PCNX3: variants seen among roughly 807,000 people sequenced by gnomAD.
PCNX3 encodes pecanex 3.
In PCNX3, 58 loss-of-function variants were observed where a neutral mutation model predicts 207.2. The observed-to-expected ratio is 0.28, with a 90% CI of 0.23 to 0.35. PCNX3 has a LOEUF of 0.35. Among genes scored for constraint, PCNX3 ranks in the 10% least tolerant of loss-of-function variants. The pLI is 1.00. For missense variants in PCNX3, 2,410 were observed against 2,774.4 expected, an observed-to-expected ratio of 0.87 and a Z score of 2.95; for synonymous variants, 1,337 against 1,183.5, an observed-to-expected ratio of 1.13 and a Z score of -2.66.
Position 65,625,369 on chromosome 11 carries a change from A to T in PCNX3, c.3030-36A>T. On this transcript the variant is annotated intron_variant, in intron 17 of 34. Coordinates refer to ENST00000355703, the MANE Select transcript of PCNX3 (RefSeq NM_032223.4). This position sits in a 1 kb window ranked among gnomAD's most constrained non-coding sequence, Gnocchi z 5.6. Reference sequence around the variant, plus strand: ...CCCGTGACTGGGGCCGGGGGGAAGGAGGGGCGGCCTCCTCCTGACTCTTCC... The same window carrying T: ...CCCGTGACTGGGGCCGGGGGGAAGGTGGGGCGGCCTCCTCCTGACTCTTCC... The T allele has an allele frequency of 6.3e-7, 1 of 1,595,168 alleles. No individual in the cohort carries two copies. The highest frequency in any genetic ancestry group is 8.5e-7 in the Non-Finnish European group (1 of 1,173,394).
In PCNX3 at chr11:65,620,845, A is replaced by G. The variant is rs1419166656; in HGVS notation, c.2114A>G (p.His705Arg). 4.4e-6 allele frequency: 7 copies of G among 1,594,906 alleles called. No homozygotes were observed. The highest frequency in any genetic ancestry group is 2.3e-5 in the East Asian group (1 of 43,598). Residue 705 changes from histidine (H) to arginine (R), a missense_variant, in exon 10 of 35, where the codon CAT (histidine) becomes CGT (arginine). His to Arg is a conservative substitution (Grantham distance 29). Coordinates refer to ENST00000355703, the MANE Select transcript of PCNX3 (RefSeq NM_032223.4). ...TGTTCTCACAGGGACCGACACTCGCATTCCTCCAGCTTCCACTCGGCTGAT... is the reference window on the plus strand; with the variant it reads ...TGTTCTCACAGGGACCGACACTCGCGTTCCTCCAGCTTCCACTCGGCTGAT... The part of the protein sequence containing the change: ...TANGAWDRHS[H>R]SSSFHSADVP...
At chr11:65,623,796 T>C in intron 12 of PCNX3, 133 bp from the exon 13 acceptor site, 2 of 1,521,044 alleles carry the variant, frequency 1.3e-6, no homozygotes, top group Non-Finnish European at 1.8e-6. Flanking sequence ...GCAAGAAAAC[T>C]GAGGCTCAGG....
intron 24 of PCNX3, 142 bp downstream of exon 24, chr11:65,629,090 C>T: frequency 3.9e-6 from 5 of 1,289,276 alleles, no homozygotes; most frequent in Non-Finnish European, 5.3e-6. Flanking sequence ...GGCGGCAGAT[C>T]CAATGCAGGG....
chr11:65,620,816 C>T lies in PCNX3; in HGVS notation c.2100-15C>T. ...CTCGCCCGTGGGGGGATCCTGATGGCTGCTGTTCTCACAGGGACCGACACT... is the reference window on the plus strand; with the variant it reads ...CTCGCCCGTGGGGGGATCCTGATGGTTGCTGTTCTCACAGGGACCGACACT... On this transcript the variant is annotated splice_polypyrimidine_tract_variant and intron_variant, in intron 9 of 34. Transcript: ENST00000355703. 1 of 1,593,468 alleles carries T rather than the reference C, an allele frequency of 6.3e-7. No homozygotes were observed. The highest frequency in any genetic ancestry group is 1.1e-5 in the South Asian group (1 of 87,518).
intron 15 of PCNX3, 33 bp from the exon 16 acceptor site, chr11:65,624,892 G>A (rs780748062): frequency 1.5e-5 from 23 of 1,582,080 alleles, no homozygotes; most frequent in Admixed American, 1.7e-5. Flanking sequence ...ACCTGCAAGT[G>A]AGAGCTGGGC....
At position 65,636,505 on chromosome 11, in the gene PCNX3, C is replaced by T; in HGVS notation, c.5708C>T (p.Pro1903Leu). ...CTGCAGTGGCCTCCCCCTCGGCTCC[C>T]TGGACCACCCCCTGCATCGCCTATC... is the stretch of plus-strand genomic sequence containing the variant. ...PLLQWPPPRL[P>L]GPPPASPIPT... The change falls in exon 34 of 35, where the codon CCT (proline) becomes CTT (leucine). Residue 1903 changes from proline to leucine, a missense_variant. Pro to Leu is a moderately conservative substitution (Grantham distance 98). Transcript: ENST00000355703. 6.3e-7 allele frequency: 1 copy of T among 1,581,562 alleles called. No individual in the cohort carries two copies. Among genetic ancestry groups the T allele is most frequent in the Non-Finnish European group, 8.6e-7 (1 of 1,165,638 alleles).
intron 20 of PCNX3, 130 bp downstream of exon 20, chr11:65,626,184 TCCCTCCCTG>T: frequency 7.9e-7 from 1 of 1,265,108 alleles, no homozygotes. Context: ...CCCTTTCTGC[TCCCTCCCTG>T]CCCTCTGTGT....
rs1319020552 is a variant in PCNX3, at chr11:65,636,882, G to A, written c.6009G>A (p.Glu2003=). 2 of 1,553,116 alleles carry A rather than the reference G, an allele frequency of 1.3e-6. No individual in the cohort carries two copies. The change falls in exon 35 of 35, where the codon GAG becomes GAA. Residue 2003 remains glutamate, a synonymous_variant. Coordinates refer to ENST00000355703, the MANE Select transcript of PCNX3 (RefSeq NM_032223.4). ...CTTGCTTGGACAGCAGTGCCCCTGAGAGTGGCACACCTATGGGTGCCCTGG... is the reference window on the plus strand; with the variant it reads ...CTTGCTTGGACAGCAGTGCCCCTGAAAGTGGCACACCTATGGGTGCCCTGG... The part of the protein sequence containing the change: ...DIPCLDSSAP[E]SGTPMGALGD...
chr11:65,621,890 G>A (rs777131567), intron 10 of PCNX3, among the ~76,000 whole-genome samples: 1 of 152,198 alleles, frequency 6.6e-6, no homozygotes, highest in Non-Finnish European at 1.5e-5. Flanking sequence ...GAGGAGGGTA[G>A]CATTTGTGCC....
Position 65,635,003 on chromosome 11 carries a change from C to T in PCNX3, c.4836C>T (p.Ala1612=). ...SLEPFLYGLH[A]LFKGDFRITS... ...AGCCCTTCCTCTACGGCCTGCACGC[C>T]CTGTTCAAGGGGGATTTTCGCATCA... Residue 1612 remains alanine (A), a synonymous_variant, in exon 30 of 35, where the codon GCC becomes GCT. Coordinates refer to ENST00000355703, the MANE Select transcript of PCNX3 (RefSeq NM_032223.4). This position sits in a 1 kb window ranked among gnomAD's most constrained non-coding sequence, Gnocchi z 9.9. 6.2e-7 allele frequency: 1 copy of T among 1,613,884 alleles called. No homozygotes were observed. Among genetic ancestry groups the T allele is most frequent in the Non-Finnish European group, 8.5e-7 (1 of 1,179,854 alleles).
chr11:65,630,289 C>T (rs1272074082), intron 26 of PCNX3, 62 bp from the exon 27 acceptor site: 20 of 1,561,378 alleles, frequency 1.3e-5, no homozygotes, highest in Non-Finnish European at 1.7e-5. Context: ...TGGTCACTCT[C>T]CCAGGACAGG....
intron 34 of PCNX3, 28 bp downstream of exon 34, chr11:65,636,717 C>T (rs1425737922): frequency 3.9e-6 from 6 of 1,557,634 alleles, no homozygotes. Context: ...GGGTTGGGTC[C>T]CAGAAGGCTA....
intron 27 of PCNX3, among the ~76,000 whole-genome samples, chr11:65,632,846 G>C (rs1487504065): frequency 6.6e-6 from 1 of 151,554 alleles, no homozygotes; most frequent in Non-Finnish European, 1.5e-5. Flanking sequence ...CCAGGTTCAA[G>C]TAATCCTCCT....
At position 65,616,228 on chromosome 11, in the gene PCNX3, C is replaced by G. The variant is rs1338298462; in HGVS notation, c.-84C>G. ...TGAGCGTGAGGCCGGGCCCCGGGGCCCTCAGGCGCCAGACGGGGCATGGGC... is the reference window on the plus strand; with the variant it reads ...TGAGCGTGAGGCCGGGCCCCGGGGCGCTCAGGCGCCAGACGGGGCATGGGC... On this transcript the variant is annotated 5_prime_UTR_variant, in exon 1 of 35. Coordinates refer to ENST00000355703, the MANE Select transcript of PCNX3 (RefSeq NM_032223.4). 1.7e-6 allele frequency: 2 copies of G among 1,176,262 alleles called. No homozygotes were observed. Among genetic ancestry groups the G allele is most frequent in the African/African-American group, 3.3e-5 (2 of 61,258 alleles). 72.9% of individuals were successfully genotyped at this position (1,176,262 alleles called of 1,614,324 possible). A position where few individuals can be genotyped will look rare whatever the true frequency, so the allele number is the denominator to read the frequency against.
chr11:65,617,782 C>T (rs184126931), intron 5 of PCNX3, 76 bp downstream of exon 5: 280 of 1,515,040 alleles, frequency 1.8e-4, no homozygotes, highest in Non-Finnish European at 2.4e-4. Flanking sequence ...AACTTTGGCT[C>T]CATCCTGGGT....
intron 6 of PCNX3, 48 bp downstream of exon 6, chr11:65,619,115 C>A: frequency 6.8e-7 from 1 of 1,475,124 alleles, no homozygotes; most frequent in Non-Finnish European, 9.2e-7. Context: ...GAGCTACGGG[C>A]TTGGGGTTGG....
chr11:65,634,825 G>T, intron 29 of PCNX3, 148 bp from the exon 30 acceptor site: 1 of 1,277,462 alleles, frequency 7.8e-7, no homozygotes. Flanking sequence ...AGTGCTCTGT[G>T]AGAGACATGG....
At chr11:65,624,605 G>T (rs560771395) in intron 15 of PCNX3, 24 bp downstream of exon 15, 1 of 1,558,096 alleles carries the variant, frequency 6.4e-7, no homozygotes, top group African/African-American at 1.4e-5. Context: ...AGGTGGCTCA[G>T]GGATGGGGCC....
In PCNX3 at chr11:65,617,626, T is replaced by C. The variant is rs1160005350; in HGVS notation, c.497T>C (p.Val166Ala). 1.4e-5 allele frequency: 22 copies of C among 1,609,396 alleles called. No individual in the cohort carries two copies. Among genetic ancestry groups the C allele is most frequent in the Non-Finnish European group, 1.6e-5 (19 of 1,177,894 alleles). ...ATGGTTGCAGACATCAAGGAGCTGG[T>C]GCGGGAGCAGGGCAGCAACAATGTG... is the stretch of plus-strand genomic sequence containing the variant. The part of the protein sequence containing the change: ...SGPLRDIKEL[V>A]REQGSNNVIV... The change falls in exon 5 of 35, where the codon GTG becomes GCG. Residue 166 changes from valine to alanine, a missense_variant. Physicochemically the swap from Val to Ala is moderately conservative, Grantham distance 64. Around this residue, in one of 8 missense-constraint regions of PCNX3, gnomAD observed 1,104 missense variants for 970.3 expected, o/e 1.14. Coordinates refer to ENST00000355703, the MANE Select transcript of PCNX3 (RefSeq NM_032223.4).
Sources: allele counts gnomAD v4.1 joint callset (sites outside exome capture counted in the v4.1 genomes callset), GRCh38; gene constraint gnomAD v4.1.1; regional missense constraint gnomAD v4.1.1; non-coding constraint Gnocchi (gnomAD v3.1); transcripts MANE v1.5; gene names NCBI Gene and HGNC (gene_info 2026-07-23, HGNC 2026-07-21).